The following WAC variants were observed in gnomAD, a reference collection of about 807,000 sequenced individuals.
The protein encoded by WAC is WW domain containing adaptor with coiled-coil.
Under a neutral mutation model 79.6 loss-of-function variants are expected in WAC, and 11 were observed. The observed-to-expected ratio is 0.14, with a 90% CI of 0.09 to 0.23. The LOEUF (loss-of-function observed/expected upper bound fraction) is 0.23, where lower values mean the gene tolerates loss of function less well. Ranked by LOEUF, WAC falls within the 10% of genes least tolerant of loss-of-function variation. The pLI is 1.00. For missense variants in WAC, 728 were observed against 773.5 expected (o/e 0.94, Z 0.70); for synonymous variants, 304 against 276.9 (o/e 1.10, Z -0.97).
chr10:28,590,671 C>A, intron 5 of WAC, 49 bp from the exon 6 acceptor site: 2 of 1,476,354 alleles, frequency 1.4e-6, no homozygotes, highest in South Asian at 2.6e-5. Flanking sequence ...TATGGAAACT[C>A]ATGCCCTTAA....
intron 10 of WAC, among the ~76,000 whole-genome samples, chr10:28,612,945 T>C (rs998573436): frequency 1.3e-5 from 2 of 152,102 alleles, no homozygotes; most frequent in Admixed American, 6.6e-5. Flanking sequence ...GTGAAATAAG[T>C]GGTAGTATTG....
chr10:28,564,927 C>T (rs563701065), intron 3 of WAC, among the ~76,000 whole-genome samples: 4 of 152,202 alleles, frequency 2.6e-5, no homozygotes, highest in East Asian at 3.9e-4. Flanking sequence ...AGGTGACTAC[C>T]GCCACGGTCA....
intron 3 of WAC, among the ~76,000 whole-genome samples, chr10:28,539,070 T>C (rs1487665779): frequency 6.6e-6 from 1 of 152,132 alleles, no homozygotes; most frequent in Non-Finnish European, 1.5e-5. Flanking sequence ...TCTTTACTAA[T>C]AATAACCTAT....
At chr10:28,615,736 C>T (rs1482900943) in intron 11 of WAC, 1 of 154,542 alleles carries the variant, frequency 6.5e-6, no homozygotes, top group African/African-American at 2.4e-5. Flanking sequence ...AATAAAATGT[C>T]TGTATTTTGC....
At chr10:28,576,624 G>A (rs1487019439) in intron 3 of WAC, among the ~76,000 whole-genome samples, 1 of 152,174 alleles carries the variant, frequency 6.6e-6, no homozygotes, top group Non-Finnish European at 1.5e-5. Flanking sequence ...GGAAAATTTA[G>A]CATGCTGTGC....
At position 28,563,744 on chromosome 10, in the gene WAC, C is replaced by CTTTTTTTTTTT. The variant is rs71281550; in HGVS notation, c.275-19636_275-19626dup. On this transcript the variant is annotated intron_variant, in intron 3 of 13. Coordinates refer to ENST00000354911, the MANE Select transcript of WAC (RefSeq NM_016628.5). Reference sequence around the variant, plus strand: ...ACAAGTGCATGCTGCCTACACCCAGCTTTTTTTTTTTTTTTTTTTTTTTTT... The same window carrying CTTTTTTTTTTT: ...ACAAGTGCATGCTGCCTACACCCAGCTTTTTTTTTTTTTTTTTTTTTTTTTTTTTTTTTTTT... Among the ~76,000 whole-genome samples the CTTTTTTTTTTT allele has an allele frequency of 8.9e-3, 603 of 67,868 alleles. 28 individuals are homozygous for CTTTTTTTTTTT. Among genetic ancestry groups the CTTTTTTTTTTT allele is most frequent in the East Asian group, 0.025 (26 of 1,040 alleles). The allele number at this position is 67,868 out of a possible 152,430, so 44.5% of individuals were successfully genotyped here. A position where few individuals can be genotyped will look rare whatever the true frequency, so the allele number is the denominator to read the frequency against.
At chr10:28,617,456 TAAAA>T (rs968190659) in intron 12 of WAC, among the ~76,000 whole-genome samples, 197 bp from the exon 13 acceptor site, 5 of 152,204 alleles carry the variant, frequency 3.3e-5, no homozygotes, top group Non-Finnish European at 5.9e-5. Flanking sequence ...AGAGAAATAT[TAAAA>T]TAAGTACCTT....
chr10:28,587,703 T>G (rs1390741444), intron 4 of WAC, among the ~76,000 whole-genome samples: 1 of 152,242 alleles, frequency 6.6e-6, no homozygotes, highest in Admixed American at 6.5e-5. Flanking sequence ...CCTTAACTCC[T>G]TGAGGATGGC....
intron 3 of WAC, among the ~76,000 whole-genome samples, chr10:28,577,090 T>A (rs1256869063): frequency 1.3e-5 from 2 of 152,178 alleles, no homozygotes; most frequent in Admixed American, 1.3e-4. Flanking sequence ...AAATTGTTGA[T>A]ACTTGTTGTG....
intron 6 of WAC, 112 bp downstream of exon 6, chr10:28,590,944 C>A: frequency 1.1e-6 from 1 of 886,632 alleles, no homozygotes; most frequent in Non-Finnish European, 1.7e-6. Context: ...TAGAAACATA[C>A]GGAGATTCTT....
At chr10:28,563,723 G>C (rs908014263) in intron 3 of WAC, among the ~76,000 whole-genome samples, 48 of 138,870 alleles carry the variant, frequency 3.5e-4, no homozygotes, top group Non-Finnish European at 6.7e-4. Flanking sequence ...GGGACTACAA[G>C]TGCATGCTGC....
chr10:28,549,169 G>T (rs1036206262), intron 3 of WAC, among the ~76,000 whole-genome samples: 2 of 152,164 alleles, frequency 1.3e-5, no homozygotes, highest in African/African-American at 2.4e-5. Context: ...AAAGTGCTGG[G>T]ATAATGGGTG....
chr10:28,544,547 C>T (rs189743346), intron 3 of WAC, among the ~76,000 whole-genome samples: 1 of 152,260 alleles, frequency 6.6e-6, no homozygotes, highest in East Asian at 1.9e-4. Context: ...GATTATTAGG[C>T]TTGCTCTTAT....
At chr10:28,565,568 A>G (rs1838555659) in intron 3 of WAC, among the ~76,000 whole-genome samples, 1 of 152,212 alleles carries the variant, frequency 6.6e-6, no homozygotes, top group Non-Finnish European at 1.5e-5. Context: ...AGTTAAAAGC[A>G]GAATAATCTT....
Position 28,621,322 on chromosome 10 carries a change from C to G in WAC, c.*1716C>G, listed in dbSNP as rs761619409. The G allele has an allele frequency of 1.4e-5, 2 of 148,110 alleles. No homozygotes were observed. Among genetic ancestry groups the G allele is most frequent in the Admixed American group, 6.9e-5 (1 of 14,548 alleles). The allele number at this position is 148,110 out of a possible 1,614,324, so 9.2% of individuals were successfully genotyped here. On this transcript the variant is annotated 3_prime_UTR_variant, in exon 14 of 14. Transcript: ENST00000354911. ...ACATCAATGTCAATGTTACTACATTCTCGGATGCTAACATAAATTTTGAAA... is the reference window on the plus strand; with the variant it reads ...ACATCAATGTCAATGTTACTACATTGTCGGATGCTAACATAAATTTTGAAA...
chr10:28,602,944 C>T (rs2132757120), intron 7 of WAC, among the ~76,000 whole-genome samples: 1 of 152,254 alleles, frequency 6.6e-6, no homozygotes, highest in Non-Finnish European at 1.5e-5. Context: ...GTGATATTTA[C>T]AGCACATATC....
At chr10:28,545,281 C>T (rs1207542805) in intron 3 of WAC, among the ~76,000 whole-genome samples, 3 of 151,842 alleles carry the variant, frequency 2.0e-5, no homozygotes, top group Admixed American at 6.6e-5. Context: ...CACCTAAGTT[C>T]GGGAGAGACC....
At chr10:28,590,649 A>G in intron 5 of WAC, 71 bp from the exon 6 acceptor site, 1 of 1,286,046 alleles carries the variant, frequency 7.8e-7, no homozygotes, top group Middle Eastern at 2.1e-4. Context: ...GCATTTGGCC[A>G]GAGCTGTTTA....
chr10:28,608,415 A>C lies in WAC; in HGVS notation c.1149A>C (p.Ile383=). 1 of 1,598,194 alleles carries C rather than the reference A, an allele frequency of 6.3e-7. No individual in the cohort carries two copies. Among genetic ancestry groups the C allele is most frequent in the Non-Finnish European group, 8.5e-7 (1 of 1,171,648 alleles). Residue 383 remains isoleucine, a synonymous_variant, in exon 8 of 14, where the codon ATA becomes ATC. Transcript: ENST00000354911. ...AGCTTAATAATTCTAATGTGGACAT[A>C]TCTAAAATAAATGAAGGTAAATCTT... ...TLQLNNSNVD[I]SKINEVLTAA... is the part of the protein sequence containing the mutation.
Sources: allele counts gnomAD v4.1 joint callset (sites outside exome capture counted in the v4.1 genomes callset), GRCh38; gene constraint gnomAD v4.1.1; transcripts MANE v1.5; gene names NCBI Gene and HGNC (gene_info 2026-07-23, HGNC 2026-07-21).